Variants in ATRNL1 observed in about 807,000 individuals in gnomAD.
ATRNL1 encodes the protein attractin-like protein 1.
Under a neutral mutation model 182.7 loss-of-function variants are expected in ATRNL1, and 95 were observed. That is an observed-to-expected ratio of 0.52 (90% CI 0.44 to 0.62). The LOEUF (loss-of-function observed/expected upper bound fraction) is 0.62. Among genes scored for constraint, ATRNL1 ranks in the 20% least tolerant of loss-of-function variants. The pLI is 0.00. For synonymous variants in ATRNL1, 576 were observed against 568.3 expected (o/e 1.01, Z -0.19); for missense variants, 1,471 against 1,679.5 (o/e 0.88, Z 2.17).
intron 19 of ATRNL1, among the ~76,000 whole-genome samples, chr10:115,336,427 C>T (rs1855483849): frequency 6.6e-6 from 1 of 152,110 alleles, no homozygotes; most frequent in Non-Finnish European, 1.5e-5. Flanking sequence ...TCAAGACAAG[C>T]TCTTTCTAAA....
intron 19 of ATRNL1, among the ~76,000 whole-genome samples, chr10:115,382,373 A>G (rs193238264): frequency 1.8e-3 from 280 of 152,134 alleles, no homozygotes; most frequent in African/African-American, 6.2e-3. Context: ...TAAACATTTT[A>G]TAATTTTTTA....
At chr10:115,786,967 T>G (rs558530745) in intron 27 of ATRNL1, among the ~76,000 whole-genome samples, 47 of 152,318 alleles carry the variant, frequency 3.1e-4, no homozygotes, top group African/African-American at 1.1e-3. Flanking sequence ...GTTATTGGAT[T>G]AATATGTCTG....
chr10:115,909,361 G>A (rs1952600347), intron 28 of ATRNL1: 1 of 152,108 alleles, frequency 6.6e-6, no homozygotes, highest in African/African-American at 2.4e-5. Flanking sequence ...TCAGGAATCA[G>A]TATTTCATTT....
At position 115,682,669 on chromosome 10, in the gene ATRNL1, T is replaced by TATGATGATGATG. The variant is rs144515513; in HGVS notation, c.3796-44558_3796-44547dup. On this transcript the variant is annotated intron_variant, in intron 26 of 28. Transcript: ENST00000355044. Reference sequence around the variant, plus strand: ...TAGTAAACACTCAATAGATAATACATATGATGATGATGATGATGATGATGA... The same window carrying TATGATGATGATG: ...TAGTAAACACTCAATAGATAATACATATGATGATGATGATGATGATGATGATGATGATGATGA... Among the ~76,000 whole-genome samples, 770 of 150,068 alleles carry TATGATGATGATG rather than the reference T, an allele frequency of 5.1e-3. 8 individuals carry two copies. The highest frequency in any genetic ancestry group is 0.018 in the African/African-American group (733 of 40,516).
intron 25 of ATRNL1, among the ~76,000 whole-genome samples, chr10:115,546,355 G>A (rs1025503653): frequency 2.0e-4 from 30 of 151,902 alleles, no homozygotes; most frequent in Admixed American, 1.9e-3. Context: ...ATGAGGTCAG[G>A]AGATCGAGAC....
intron 26 of ATRNL1, among the ~76,000 whole-genome samples, chr10:115,630,741 ATATT>A (rs1178677904): frequency 2.5e-4 from 37 of 147,704 alleles, no homozygotes; most frequent in East Asian, 5.8e-4. Context: ...TCATATATCT[ATATT>A]TAAGATATAT....
intron 26 of ATRNL1, among the ~76,000 whole-genome samples, chr10:115,671,776 A>G (rs11197401): frequency 0.027 from 4,144 of 152,196 alleles, 152 homozygotes; most frequent in African/African-American, 0.093. Flanking sequence ...GTTTGTTTGT[A>G]AGTAATGTAC....
chr10:115,591,238 C>G (rs1855884001), intron 26 of ATRNL1, among the ~76,000 whole-genome samples: 1 of 152,212 alleles, frequency 6.6e-6, no homozygotes, highest in Admixed American at 6.5e-5. Context: ...TAACCTGTGT[C>G]ACTTCCCTAT....
intron 28 of ATRNL1, among the ~76,000 whole-genome samples, chr10:115,927,146 C>G (rs1953260623): frequency 6.6e-6 from 1 of 152,078 alleles, no homozygotes; most frequent in African/African-American, 2.4e-5. Context: ...ATCACATAAA[C>G]AGAACTAAAG....
intron 13 of ATRNL1, among the ~76,000 whole-genome samples, chr10:115,270,130 C>T (rs1024478127): frequency 1.9e-4 from 28 of 150,328 alleles, no homozygotes; most frequent in African/African-American, 5.8e-4. Flanking sequence ...TAGTAGAAGT[C>T]GGAGTTAAAT....
intron 27 of ATRNL1, among the ~76,000 whole-genome samples, chr10:115,779,404 C>T (rs1949208060): frequency 6.6e-6 from 1 of 152,168 alleles, no homozygotes; most frequent in Non-Finnish European, 1.5e-5. Context: ...AGCGGAATGC[C>T]TCTAGGTCTG....
chr10:115,393,082 A>C (rs782118744), intron 19 of ATRNL1, among the ~76,000 whole-genome samples: 4 of 152,104 alleles, frequency 2.6e-5, no homozygotes, highest in Admixed American at 6.6e-5. Flanking sequence ...CTTGTGTAAG[A>C]GGACAGACAA....
chr10:115,693,695 A>G (rs1425324510), intron 26 of ATRNL1, among the ~76,000 whole-genome samples: 1 of 152,108 alleles, frequency 6.6e-6, no homozygotes, highest in Non-Finnish European at 1.5e-5. Context: ...CCTGTGTTGT[A>G]TGTTACTGTA....
At chr10:115,651,143 A>G (rs1347815527) in intron 26 of ATRNL1, among the ~76,000 whole-genome samples, 4 of 152,110 alleles carry the variant, frequency 2.6e-5, no homozygotes, top group Non-Finnish European at 4.4e-5. Context: ...GGGGAGATCA[A>G]TGTTCCTAGA....
At chr10:115,528,300 T>A (rs1311080274) in intron 25 of ATRNL1, among the ~76,000 whole-genome samples, 1 of 152,066 alleles carries the variant, frequency 6.6e-6, no homozygotes, top group Non-Finnish European at 1.5e-5. Flanking sequence ...TTCAATCTCC[T>A]TACTGGTTAT....
intron 1 of ATRNL1, among the ~76,000 whole-genome samples, chr10:115,108,183 A>G (rs1321653493): frequency 2.6e-5 from 4 of 152,066 alleles, no homozygotes; most frequent in Admixed American, 6.6e-5. Flanking sequence ...AAATCATTCT[A>G]CCTTCTCGCA....
intron 26 of ATRNL1, among the ~76,000 whole-genome samples, chr10:115,656,168 A>G (rs985955228): frequency 6.6e-6 from 1 of 152,188 alleles, no homozygotes; most frequent in Non-Finnish European, 1.5e-5. Context: ...TCTGAATTAC[A>G]TGTCATTAAA....
At chr10:115,352,881 C>T (rs1286814735) in intron 19 of ATRNL1, among the ~76,000 whole-genome samples, 1 of 152,104 alleles carries the variant, frequency 6.6e-6, no homozygotes, top group Non-Finnish European at 1.5e-5. Flanking sequence ...CCAGCCTGGG[C>T]AACAAGAGCA....
chr10:115,177,259 A>G (rs1847549150), intron 8 of ATRNL1, among the ~76,000 whole-genome samples: 1 of 152,094 alleles, frequency 6.6e-6, no homozygotes, highest in African/African-American at 2.4e-5. Flanking sequence ...CTGTGTAGTG[A>G]TGGGGTGAAA....
Sources: allele counts gnomAD v4.1 joint callset (sites outside exome capture counted in the v4.1 genomes callset), GRCh38; gene constraint gnomAD v4.1.1; transcripts MANE v1.5; gene names NCBI Gene and HGNC (gene_info 2026-07-23, HGNC 2026-07-21).